ADAMTSL1: variants seen among roughly 807,000 people sequenced by gnomAD.
ADAMTSL1 encodes the protein ADAMTS like 1.
ADAMTSL1 carries 126 observed loss-of-function variants against 201.8 expected under a neutral mutation model. That is an observed-to-expected ratio of 0.62 (90% CI 0.54 to 0.72). The LOEUF (loss-of-function observed/expected upper bound fraction) is 0.72, where lower values mean the gene tolerates loss of function less well. ADAMTSL1 is among the 30% of genes least tolerant of loss of function. The pLI is 0.00. For missense variants in ADAMTSL1, 2,679 were observed against 2,277.8 expected (o/e 1.18, Z -3.59); for synonymous variants, 1,121 against 903.4 (o/e 1.24, Z -4.32).
intron 2 of ADAMTSL1, among the ~76,000 whole-genome samples, chr9:18,187,549 A>T (rs556321290): frequency 6.6e-6 from 1 of 152,276 alleles, no homozygotes; most frequent in East Asian, 1.9e-4. Context: ...AAAAATTTAA[A>T]TATGTGTATA....
chr9:17,921,251 C>T (rs938228007), intron 1 of ADAMTSL1, among the ~76,000 whole-genome samples: 19 of 152,110 alleles, frequency 1.2e-4, no homozygotes, highest in African/African-American at 4.3e-4. Flanking sequence ...TGGGGACAAA[C>T]TTCACTCATC....
intron 15 of ADAMTSL1, among the ~76,000 whole-genome samples, chr9:18,748,582 C>G (rs1443275014): frequency 6.6e-6 from 1 of 152,184 alleles, no homozygotes; most frequent in Non-Finnish European, 1.5e-5. Flanking sequence ...GTGTGGTGTT[C>G]AGAGCTCCTG....
chr9:17,999,359 T>G (rs1374215963), intron 1 of ADAMTSL1, among the ~76,000 whole-genome samples: 1 of 151,998 alleles, frequency 6.6e-6, no homozygotes, highest in Non-Finnish European at 1.5e-5. Flanking sequence ...TCTAGTAAGT[T>G]AGCTGCTGTG....
At chr9:18,529,950 G>A (rs1460568681) in intron 2 of ADAMTSL1, among the ~76,000 whole-genome samples, 1 of 152,068 alleles carries the variant, frequency 6.6e-6, no homozygotes, top group Non-Finnish European at 1.5e-5. Flanking sequence ...TAAATAATAA[G>A]TATTTAAATC....
At chr9:18,676,443 A>AT (rs1159746527) in intron 10 of ADAMTSL1, among the ~76,000 whole-genome samples, 13 of 152,056 alleles carry the variant, frequency 8.5e-5, no homozygotes, top group South Asian at 2.1e-4. Flanking sequence ...TTTAGGAGAC[A>AT]TTTTTTCTAA....
At chr9:18,416,585 A>G (rs1818686364) in intron 2 of ADAMTSL1, among the ~76,000 whole-genome samples, 1 of 152,028 alleles carries the variant, frequency 6.6e-6, no homozygotes, top group African/African-American at 2.4e-5. Context: ...AAAAAGATAT[A>G]CCATGCTAAC....
intron 2 of ADAMTSL1, among the ~76,000 whole-genome samples, chr9:18,271,930 T>C (rs1275550890): frequency 2.0e-5 from 3 of 151,870 alleles, no homozygotes; most frequent in African/African-American, 7.3e-5. Flanking sequence ...TGGCCAGTGA[T>C]GATGAGCATT....
intron 12 of ADAMTSL1, among the ~76,000 whole-genome samples, chr9:18,684,508 A>T: frequency 6.6e-6 from 1 of 152,238 alleles, no homozygotes; most frequent in East Asian, 1.9e-4. Flanking sequence ...ATAAAGAGAA[A>T]GCTTGCACAC....
intron 16 of ADAMTSL1, among the ~76,000 whole-genome samples, chr9:18,770,325 A>G (rs1820617310): frequency 1.3e-5 from 2 of 152,188 alleles, no homozygotes; most frequent in South Asian, 4.1e-4. Flanking sequence ...GGGACTGCAA[A>G]TCATAGTTCA....
chr9:18,342,365 C>T (rs924883896), intron 2 of ADAMTSL1, among the ~76,000 whole-genome samples: 1 of 152,054 alleles, frequency 6.6e-6, no homozygotes, highest in African/African-American at 2.4e-5. Flanking sequence ...AAGTTTCAGA[C>T]ACTATTCTCA....
intron 20 of ADAMTSL1, among the ~76,000 whole-genome samples, chr9:18,813,025 T>C (rs2131158936): frequency 6.7e-6 from 1 of 149,600 alleles, no homozygotes; most frequent in Admixed American, 6.7e-5. Flanking sequence ...TGGAGTGCAG[T>C]GGCACAATCT....
rs138259326 is a variant in ADAMTSL1, at chr9:18,743,715, A to G, written c.2007-9583A>G. Among the ~76,000 whole-genome samples the G allele has an allele frequency of 9.0e-4, 137 of 152,274 alleles. 2 individuals carry two copies. Among genetic ancestry groups the G allele is most frequent in the African/African-American group, 3.2e-3 (134 of 41,560 alleles). On this transcript the variant is annotated intron_variant, in intron 15 of 28. Transcript: ENST00000380548. ...GTTTGATAGACAGCCCCCGATTCTCATGGTGTGATTTATCATACATGTTTC... is the reference window on the plus strand; with the variant it reads ...GTTTGATAGACAGCCCCCGATTCTCGTGGTGTGATTTATCATACATGTTTC...
At position 18,730,031 on chromosome 9, in the gene ADAMTSL1, C is replaced by CT. The variant is rs993226200; in HGVS notation, c.2006+8376dup. On this transcript the variant is annotated intron_variant, in intron 15 of 28. Transcript: ENST00000380548. ...CAGAGTGGAGTTTCCCAAAATAAATCTTTTTTTTTTCTAAGTTTTTTGCTT... is the reference window on the plus strand; with the variant it reads ...CAGAGTGGAGTTTCCCAAAATAAATCTTTTTTTTTTTCTAAGTTTTTTGCTT... Among the ~76,000 whole-genome samples the CT allele has an allele frequency of 1.9e-3, 281 of 149,912 alleles. 2 individuals are homozygous for CT. The highest frequency in any genetic ancestry group is 3.4e-3 in the Middle Eastern group (1 of 294).
At chr9:17,964,125 C>G (rs72695987) in intron 1 of ADAMTSL1, among the ~76,000 whole-genome samples, 24,362 of 152,088 alleles carry the variant, frequency 0.16, 2,514 homozygotes, top group Middle Eastern at 0.25. Flanking sequence ...AGTTTACAAA[C>G]TTAGTTATTA....
At chr9:18,132,597 C>T (rs567942053) in intron 1 of ADAMTSL1, among the ~76,000 whole-genome samples, 4 of 152,174 alleles carry the variant, frequency 2.6e-5, no homozygotes, top group African/African-American at 9.7e-5. Flanking sequence ...CATTCTATCA[C>T]TTCCAGATTG....
chr9:18,149,846 A>G (rs1826830444), intron 1 of ADAMTSL1, among the ~76,000 whole-genome samples: 1 of 152,042 alleles, frequency 6.6e-6, no homozygotes, highest in Admixed American at 6.6e-5. Flanking sequence ...GTCAAGTAGA[A>G]AAGATATTCA....
At chr9:18,212,564 G>A (rs1000638884) in intron 2 of ADAMTSL1, among the ~76,000 whole-genome samples, 7 of 152,130 alleles carry the variant, frequency 4.6e-5, no homozygotes, top group African/African-American at 1.7e-4. Context: ...AGTTTTAAAA[G>A]TTGTTGTTGT....
chr9:18,210,969 TA>T (rs572459107), intron 2 of ADAMTSL1, among the ~76,000 whole-genome samples: 341 of 141,750 alleles, frequency 2.4e-3, no homozygotes, highest in African/African-American at 4.9e-3. Flanking sequence ...TAAGTTCTAT[TA>T]AAAAAAAAAA....
At chr9:18,388,489 G>C (rs115345109) in intron 2 of ADAMTSL1, among the ~76,000 whole-genome samples, 1 of 152,046 alleles carries the variant, frequency 6.6e-6, no homozygotes, top group Non-Finnish European at 1.5e-5. Context: ...GCCCAGGCTG[G>C]TTTCGAAGTC....
Sources: gnomAD v4.1 joint callset for allele counts (sites outside exome capture counted in the v4.1 genomes callset) on GRCh38, gnomAD v4.1.1 for gene constraint, MANE v1.5 for transcripts, NCBI Gene and HGNC (gene_info 2026-07-23, HGNC 2026-07-21) for gene names.